The following FIP1L1 variants were observed in gnomAD, a reference collection of about 807,000 sequenced individuals.
FIP1L1 encodes the protein factor interacting with PAPOLA and CPSF1.
FIP1L1 carries 21 observed loss-of-function variants against 84.6 expected under a neutral mutation model. That is an observed-to-expected ratio of 0.25 (90% CI 0.18 to 0.36). The LOEUF is 0.36. FIP1L1 is among the 10% of genes least tolerant of loss of function. FIP1L1 has a pLI of 1.00. For missense variants in FIP1L1, 526 were observed against 751.1 expected (o/e 0.70, Z 3.50); for synonymous variants, 263 against 242.3 (o/e 1.09, Z -0.80).
Position 53,444,064 on chromosome 4 carries a change from T to C in FIP1L1, c.1246T>C (p.Tyr416His). 1 of 1,607,334 alleles carries C rather than the reference T, an allele frequency of 6.2e-7. No individual in the cohort carries two copies. Among genetic ancestry groups the C allele is most frequent in the Non-Finnish European group, 8.5e-7 (1 of 1,174,226 alleles). The change falls in exon 15 of 18, where the codon TAT (tyrosine) becomes CAT (histidine). Residue 416 changes from tyrosine to histidine, a missense_variant. Tyr to His is a moderately conservative substitution (Grantham distance 83). Transcript: ENST00000337488. ...PTIESGHSSG[Y>H]DSRSARAFPY... ...CTTCAACAGTGGACATTCCTCTGGT[T>C]ATGATAGTCGTTCTGCACGTGCATT... is the stretch of plus-strand genomic sequence containing the variant.
chr4:53,390,975 A>G, intron 7 of FIP1L1, 34 bp from the exon 8 acceptor site: 1 of 1,530,036 alleles, frequency 6.5e-7, no homozygotes, highest in East Asian at 2.3e-5. Context: ...TAGAGCTGAA[A>G]TATTTGTACA....
chr4:53,450,890 C>G (rs1715440936), intron 15 of FIP1L1, among the ~76,000 whole-genome samples: 1 of 151,424 alleles, frequency 6.6e-6, no homozygotes, highest in Non-Finnish European at 1.5e-5. Context: ...CATCATCCAT[C>G]TTCATGTGAT....
In FIP1L1 at chr4:53,459,910, T is replaced by TAAG. The variant is rs1721506288; in HGVS notation, c.*463_*465dup. The TAAG allele has an allele frequency of 4.5e-6, 1 of 221,972 alleles. No individual in the cohort carries two copies. The highest frequency in any genetic ancestry group is 9.0e-6 in the Non-Finnish European group (1 of 111,140). The allele number at this position is 221,972 out of a possible 1,614,324, so 13.8% of individuals were successfully genotyped here. ...GCTGTGACACTCTTGCTTAGTATAT[T>TAAG]AAGAGACTCATACATTTTTGATATC... On this transcript the variant is annotated 3_prime_UTR_variant, in exon 18 of 18. Coordinates refer to ENST00000337488, the MANE Select transcript of FIP1L1 (RefSeq NM_030917.4).
chr4:53,387,084 G>T (rs183859754), intron 5 of FIP1L1, among the ~76,000 whole-genome samples: 1 of 152,358 alleles, frequency 6.6e-6, no homozygotes, highest in East Asian at 1.9e-4. Context: ...TAGATGTGAA[G>T]TAGTTGTCCA....
rs541563628 is a variant in FIP1L1, at chr4:53,410,613, CAT to C, written c.816-4000_816-3999del. 3.4e-3 allele frequency among the ~76,000 whole-genome samples: 518 copies of C among 152,078 alleles called. 2 individuals are homozygous for C. Among genetic ancestry groups the C allele is most frequent in the African/African-American group, 8.7e-3 (361 of 41,452 alleles). ...CATCATTTCCATAGTCTAAAATAAACATAAAATAAACAGCAAGTAATAAGTCA... is the reference window on the plus strand; with the variant it reads ...CATCATTTCCATAGTCTAAAATAAACAAAATAAACAGCAAGTAATAAGTCA... On this transcript the variant is annotated intron_variant, in intron 10 of 17. Transcript: ENST00000337488.
chr4:53,450,568 C>G (rs1237854941), intron 15 of FIP1L1, among the ~76,000 whole-genome samples: 3 of 152,124 alleles, frequency 2.0e-5, no homozygotes, highest in Admixed American at 1.3e-4. Context: ...GCCTGTAATC[C>G]TAGCTATTTG....
intron 13 of FIP1L1, among the ~76,000 whole-genome samples, chr4:53,437,480 A>G (rs1769907095): frequency 6.6e-6 from 1 of 151,986 alleles, no homozygotes; most frequent in Non-Finnish European, 1.5e-5. Context: ...GTCTGTACTA[A>G]ATTGCTCAGC....
intron 15 of FIP1L1, among the ~76,000 whole-genome samples, chr4:53,444,946 T>A (rs1450321006): frequency 6.6e-6 from 1 of 152,030 alleles, no homozygotes; most frequent in Non-Finnish European, 1.5e-5. Flanking sequence ...TATGGGGAGA[T>A]AGCTGGGTGA....
At chr4:53,385,351 A>G (rs1335567065) in intron 5 of FIP1L1, among the ~76,000 whole-genome samples, 1 of 152,166 alleles carries the variant, frequency 6.6e-6, no homozygotes, top group Admixed American at 6.5e-5. Context: ...TTGCACTCAA[A>G]TATTAAATAT....
At chr4:53,438,963 G>A (rs975614372) in intron 13 of FIP1L1, among the ~76,000 whole-genome samples, 4 of 152,070 alleles carry the variant, frequency 2.6e-5, no homozygotes, top group Non-Finnish European at 5.9e-5. Context: ...ATGGGTGGAT[G>A]ATTTTGGTAT....
intron 15 of FIP1L1, among the ~76,000 whole-genome samples, chr4:53,452,549 CCTCAAGTTATCTG>C (rs1165334170): frequency 6.6e-6 from 1 of 152,150 alleles, no homozygotes; most frequent in African/African-American, 2.4e-5. Flanking sequence ...AAACTCCTAG[CCTCAAGTTATCTG>C]CCCGCCTTGG....
intron 5 of FIP1L1, among the ~76,000 whole-genome samples, chr4:53,387,155 A>C (rs533999894): frequency 1.3e-5 from 2 of 152,322 alleles, no homozygotes; most frequent in African/African-American, 4.8e-5. Flanking sequence ...AAAATAGTAC[A>C]TTTGAGTATT....
chr4:53,439,145 T>G (rs180793815), intron 13 of FIP1L1, among the ~76,000 whole-genome samples: 12 of 152,276 alleles, frequency 7.9e-5, no homozygotes, highest in Non-Finnish European at 1.6e-4. Flanking sequence ...TGATCTGCCT[T>G]CCTTACTTTT....
chr4:53,429,053 C>T (rs898007849), intron 13 of FIP1L1, among the ~76,000 whole-genome samples: 4 of 152,146 alleles, frequency 2.6e-5, no homozygotes, highest in Admixed American at 6.6e-5. Context: ...TTTAAGGTGC[C>T]AGTTGTGATC....
At chr4:53,381,550 A>G (rs1235847549) in intron 3 of FIP1L1, among the ~76,000 whole-genome samples, 1 of 152,206 alleles carries the variant, frequency 6.6e-6, no homozygotes, top group East Asian at 1.9e-4. Context: ...CAATGAAAAT[A>G]TAACAGTTAT....
intron 10 of FIP1L1, among the ~76,000 whole-genome samples, chr4:53,407,979 A>C (rs1754686456): frequency 6.6e-6 from 1 of 152,204 alleles, no homozygotes; most frequent in Non-Finnish European, 1.5e-5. Flanking sequence ...TAATTGGAGC[A>C]TTTAGTTCAT....
intron 13 of FIP1L1, among the ~76,000 whole-genome samples, chr4:53,431,020 G>A: frequency 6.6e-6 from 1 of 152,126 alleles, no homozygotes; most frequent in African/African-American, 2.4e-5. Flanking sequence ...GAGCGTACAG[G>A]CTATGTATTT....
intron 15 of FIP1L1, among the ~76,000 whole-genome samples, chr4:53,451,120 A>T (rs187812313): frequency 1.7e-4 from 25 of 151,482 alleles, no homozygotes; most frequent in African/African-American, 5.1e-4. Flanking sequence ...ATGCGCCACC[A>T]TGCCTGGCTA....
chr4:53,407,463 G>A (rs1304208181), intron 10 of FIP1L1, among the ~76,000 whole-genome samples: 1 of 152,008 alleles, frequency 6.6e-6, no homozygotes, highest in Admixed American at 6.6e-5. Context: ...GTGTGGTGTG[G>A]TGCTGAAAAA....
Sources: allele counts gnomAD v4.1 joint callset (sites outside exome capture counted in the v4.1 genomes callset), GRCh38; gene constraint gnomAD v4.1.1; transcripts MANE v1.5; gene names NCBI Gene and HGNC (gene_info 2026-07-23, HGNC 2026-07-21).